TRAF6: variants seen among roughly 807,000 people sequenced by gnomAD.
TRAF6 encodes the protein TNF receptor-associated factor 6.
A neutral mutation model predicts 48.4 loss-of-function variants in TRAF6; 10 were observed. The ratio of observed to expected loss-of-function variants is 0.21; its 90% confidence interval spans 0.13 to 0.35. The LOEUF (loss-of-function observed/expected upper bound fraction) is 0.35, where lower values mean the gene tolerates loss of function less well. Among genes scored for constraint, TRAF6 ranks in the 10% least tolerant of loss-of-function variants. The pLI, the probability that TRAF6 is intolerant of heterozygous loss-of-function variation, is 1.00. For synonymous variants in TRAF6, 186 were observed against 219.6 expected (o/e 0.85, Z 1.35); for missense variants, 397 against 661.0 (o/e 0.60, Z 4.38).
rs564956115 is a variant in TRAF6, at chr11:36,507,695, G to A, written c.-23+2353C>T. Among the ~76,000 whole-genome samples the A allele has an allele frequency of 1.2e-3, 112 of 95,438 alleles. 14 individuals carry two copies. Among genetic ancestry groups the A allele is most frequent in the African/African-American group, 3.9e-3 (100 of 25,762 alleles). The allele number at this position is 95,438 out of a possible 152,430, so 62.6% of individuals were successfully genotyped here. Reference sequence around the variant, plus strand: ...TGTATATATGTATACATACACGAGCGTGTATATATGTATACATACACGCGC... The same window carrying A: ...TGTATATATGTATACATACACGAGCATGTATATATGTATACATACACGCGC... On this transcript the variant is annotated intron_variant, in intron 1 of 6. Transcript: ENST00000526995.
At position 36,485,556 on chromosome 11, in the gene TRAF6, G is replaced by A. The variant is rs1343501193; in HGVS notation, c.*4282C>T. Among the ~76,000 whole-genome samples, 2 of 124,582 alleles carry A rather than the reference G, an allele frequency of 1.6e-5. No homozygotes were observed. Among genetic ancestry groups the A allele is most frequent in the African/African-American group, 2.6e-5 (1 of 38,158 alleles). The allele number at this position is 124,582 out of a possible 152,430, so 81.7% of individuals were successfully genotyped here. A position where few individuals can be genotyped will look rare whatever the true frequency, so the allele number is the denominator to read the frequency against. On this transcript the variant is annotated 3_prime_UTR_variant, in exon 7 of 7. Transcript: ENST00000526995. ...ATCTTAAAGGCAGGGCTAGTGTCCTGCTGAGAAAGCACTCTGAGAGAAGAA... is the reference window on the plus strand; with the variant it reads ...ATCTTAAAGGCAGGGCTAGTGTCCTACTGAGAAAGCACTCTGAGAGAAGAA...
chr11:36,497,512 G>A (rs1191230165), intron 3 of TRAF6, among the ~76,000 whole-genome samples: 2 of 152,198 alleles, frequency 1.3e-5, no homozygotes, highest in African/African-American at 4.8e-5. Flanking sequence ...GTGTTGGAAA[G>A]AAGTCAGATT....
chr11:36,494,315 G>GT (rs555241400), intron 5 of TRAF6, among the ~76,000 whole-genome samples: 32 of 152,174 alleles, frequency 2.1e-4, no homozygotes, highest in Non-Finnish European at 3.4e-4. Flanking sequence ...TGAGGCTGCA[G>GT]TGAGCCATGA....
At chr11:36,506,372 C>T (rs1302747701) in intron 1 of TRAF6, among the ~76,000 whole-genome samples, 1 of 152,096 alleles carries the variant, frequency 6.6e-6, no homozygotes, top group Non-Finnish European at 1.5e-5. Context: ...ATGCAAGAGT[C>T]CATTTTCTCT....
chr11:36,506,666 C>G (rs997370336), intron 1 of TRAF6, among the ~76,000 whole-genome samples: 1 of 152,110 alleles, frequency 6.6e-6, no homozygotes, highest in African/African-American at 2.4e-5. Flanking sequence ...CTAATGTGTT[C>G]CTAAGAAAAT....
rs1426879012 is a variant in TRAF6, at chr11:36,485,470, G to C, written c.*4368C>G. Among the ~76,000 whole-genome samples, 5 of 152,072 alleles carry C rather than the reference G, an allele frequency of 3.3e-5. No homozygotes were observed. The highest frequency in any genetic ancestry group is 3.3e-4 in the Admixed American group (5 of 15,276). On this transcript the variant is annotated 3_prime_UTR_variant, in exon 7 of 7. Transcript: ENST00000526995. ...GCTGCTTGGGCGATTGTCCGAGTGGGACAGCACCTACCTTCAGAGCTGCAG... is the reference window on the plus strand; with the variant it reads ...GCTGCTTGGGCGATTGTCCGAGTGGCACAGCACCTACCTTCAGAGCTGCAG...
Position 36,501,207 on chromosome 11 carries a change from T to C in TRAF6, c.296+13A>G. On this transcript the variant is annotated intron_variant, in intron 2 of 6. Coordinates refer to ENST00000526995, the MANE Select transcript of TRAF6 (RefSeq NM_004620.4). ...TCTGTTATAGGACACCATTTTTTCTTATGCTCACGTACCTTATTGATTTTA... is the reference window on the plus strand; with the variant it reads ...TCTGTTATAGGACACCATTTTTTCTCATGCTCACGTACCTTATTGATTTTA... The C allele has an allele frequency of 6.4e-7, 1 of 1,553,752 alleles. No individual in the cohort carries two copies. The highest frequency in any genetic ancestry group is 8.7e-7 in the Non-Finnish European group (1 of 1,145,156).
Position 36,488,971 on chromosome 11 carries a change from G to A in TRAF6, c.*867C>T, listed in dbSNP as rs1166279329. 1 of 152,172 alleles carries A rather than the reference G, an allele frequency of 6.6e-6. No homozygotes were observed. The highest frequency in any genetic ancestry group is 1.5e-5 in the Non-Finnish European group (1 of 68,036). The allele number at this position is 152,172 out of a possible 1,614,324, so 9.4% of individuals were successfully genotyped here. A position where few individuals can be genotyped will look rare whatever the true frequency, so the allele number is the denominator to read the frequency against. ...ACTTTTAATTTTTATGTTGCTGATT[G>A]TATGTGTGCATCTCCTGTCTTGTAA... On this transcript the variant is annotated 3_prime_UTR_variant, in exon 7 of 7. Transcript: ENST00000526995.
intron 5 of TRAF6, among the ~76,000 whole-genome samples, chr11:36,493,352 T>A (rs771471725): frequency 2.0e-5 from 3 of 152,184 alleles, no homozygotes; most frequent in Admixed American, 6.5e-5. Flanking sequence ...TTATTATAAT[T>A]CAATCCTTCA....
chr11:36,507,777 AATATATGTATATATTAT>A (rs1194205488), intron 1 of TRAF6, among the ~76,000 whole-genome samples: 3 of 141,510 alleles, frequency 2.1e-5, no homozygotes, highest in Non-Finnish European at 4.6e-5. Context: ...AACATATACA[AATATATGTATATATTAT>A]ATATGTGTAT....
At position 36,502,879 on chromosome 11, in the gene TRAF6, G is replaced by C. The variant is rs190306287; in HGVS notation, c.-22-1342C>G. Among the ~76,000 whole-genome samples the C allele has an allele frequency of 2.0e-3, 298 of 152,292 alleles. 3 individuals are homozygous for C. The highest frequency in any genetic ancestry group is 5.8e-3 in the Admixed American group (88 of 15,298). On this transcript the variant is annotated intron_variant, in intron 1 of 6. Transcript: ENST00000526995. ...TAAAATCCACTTGAGTTACTGAGAA[G>C]ATTAAATGTGTTAATATGTGCAAAG...
At chr11:36,491,336 A>G (rs1859561145) in intron 6 of TRAF6, among the ~76,000 whole-genome samples, 1 of 152,184 alleles carries the variant, frequency 6.6e-6, no homozygotes, top group Non-Finnish European at 1.5e-5. Context: ...GTCTTTAAAA[A>G]ACCTAGAAAA....
Position 36,497,180 on chromosome 11 carries a change from A to C in TRAF6, c.534T>G (p.Ile178Met). ...CCTGTCTCCTTGGACAATCCTTCAG[A>C]ATGTGAATATTAATATGGAATTTTT... The part of the protein sequence containing the change: ...PFQKFHINIH[I>M]LKDCPRRQVS... Residue 178 changes from isoleucine to methionine, a missense_variant, in exon 4 of 7, where the codon ATT (isoleucine) becomes ATG (methionine). Physicochemically the swap from Ile to Met is conservative, Grantham distance 10 (BLOSUM62 1). Coordinates refer to ENST00000526995, the MANE Select transcript of TRAF6 (RefSeq NM_004620.4). 6.2e-7 allele frequency: 1 copy of C among 1,614,066 alleles called. No individual in the cohort carries two copies. The highest frequency in any genetic ancestry group is 1.1e-5 in the South Asian group (1 of 91,072).
At chr11:36,500,522 C>T (rs1014962847) in intron 2 of TRAF6, among the ~76,000 whole-genome samples, 2 of 152,166 alleles carry the variant, frequency 1.3e-5, no homozygotes, top group Admixed American at 6.5e-5. Context: ...TTAGCTTTTA[C>T]TCCCAGATAC....
intron 5 of TRAF6, among the ~76,000 whole-genome samples, chr11:36,493,887 A>G (rs1208728651): frequency 6.6e-6 from 1 of 152,224 alleles, no homozygotes; most frequent in African/African-American, 2.4e-5. Context: ...AAGGTTAACA[A>G]ACTTGTCCAG....
At position 36,489,015 on chromosome 11, in the gene TRAF6, C is replaced by G. The variant is rs1207952669; in HGVS notation, c.*823G>C. The G allele has an allele frequency of 6.6e-6, 1 of 152,132 alleles. No homozygotes were observed. The highest frequency in any genetic ancestry group is 1.5e-5 in the Non-Finnish European group (1 of 68,032). The allele number at this position is 152,132 out of a possible 1,614,324, so 9.4% of individuals were successfully genotyped here. A position where few individuals can be genotyped will look rare whatever the true frequency, so the allele number is the denominator to read the frequency against. On this transcript the variant is annotated 3_prime_UTR_variant, in exon 7 of 7. Coordinates refer to ENST00000526995, the MANE Select transcript of TRAF6 (RefSeq NM_004620.4). ...CTTGTAAGCATTAAACAAATGAAGA[C>G]ATATGCAGAGCTGTGAAATTCACTC...
At chr11:36,492,782 G>C (rs1213465270) in intron 5 of TRAF6, among the ~76,000 whole-genome samples, 154 bp from the exon 6 acceptor site, 1 of 152,102 alleles carries the variant, frequency 6.6e-6, no homozygotes. Flanking sequence ...AAAATTAAAA[G>C]AACATCTACT....
In TRAF6 at chr11:36,490,853, T is replaced by C. The variant is rs1423084212; in HGVS notation, c.757-203A>G. On this transcript the variant is annotated intron_variant, in intron 6 of 6. Transcript: ENST00000526995. This position sits in a 1 kb window ranked among gnomAD's most constrained non-coding sequence, Gnocchi z 6.4. ...ACTGAAAAACAGACTATCTGATGAC[T>C]ACTCTCCCAGCTTTCACTCACATAA... is the stretch of plus-strand genomic sequence containing the variant. Among the ~76,000 whole-genome samples, 1 of 152,198 alleles carries C rather than the reference T, an allele frequency of 6.6e-6. No individual in the cohort carries two copies. Among genetic ancestry groups the C allele is most frequent in the Non-Finnish European group, 1.5e-5 (1 of 68,036 alleles).
intron 4 of TRAF6, among the ~76,000 whole-genome samples, chr11:36,495,752 C>T (rs1191363678): frequency 6.6e-6 from 1 of 152,054 alleles, no homozygotes; most frequent in Non-Finnish European, 1.5e-5. Context: ...ATTAGCCGGG[C>T]ATGGTGATGC....
Sources: allele counts gnomAD v4.1 joint callset (sites outside exome capture counted in the v4.1 genomes callset), GRCh38; gene constraint gnomAD v4.1.1; non-coding constraint Gnocchi (gnomAD v3.1); transcripts MANE v1.5; gene names NCBI Gene and HGNC (gene_info 2026-07-23, HGNC 2026-07-21).